Variants in HGF observed in about 807,000 individuals in gnomAD.
HGF encodes hepatocyte growth factor.
A neutral mutation model predicts 111.6 loss-of-function variants in HGF; 39 were observed. The observed-to-expected ratio is 0.35, with a 90% CI of 0.27 to 0.46. The LOEUF (loss-of-function observed/expected upper bound fraction) is 0.46. HGF is among the 20% of genes least tolerant of loss of function. HGF has a pLI of 1.00. For missense variants in HGF, 735 were observed against 910.5 expected, an observed-to-expected ratio of 0.81 and a Z score of 2.48; for synonymous variants, 285 against 294.8, an observed-to-expected ratio of 0.97 and a Z score of 0.34.
intron 13 of HGF, 45 bp downstream of exon 13, chr7:81,710,102 T>C (rs767449952): frequency 4.7e-6 from 6 of 1,281,608 alleles, no homozygotes; most frequent in African/African-American, 2.9e-5. Context: ...AGGACTCTCT[T>C]GTACATATTC....
rs576748422 is a variant in HGF, at chr7:81,763,105, T to C, written c.89-233A>G. 2,707 of 489,722 alleles carry C rather than the reference T, an allele frequency of 5.5e-3. 18 individuals carry two copies. Among genetic ancestry groups the C allele is most frequent in the South Asian group, 0.013 (517 of 38,530 alleles). 30.3% of individuals were successfully genotyped at this position (489,722 alleles called of 1,614,324 possible). On this transcript the variant is annotated intron_variant, in intron 1 of 17. Transcript: ENST00000222390. ...ATGTAGAGTCACTCATTTACATTCT[T>C]TCAAATTAAGGAGCTTTTAAAAATC... is the stretch of plus-strand genomic sequence containing the variant.
At position 81,717,290 on chromosome 7, in the gene HGF, T is replaced by G; in HGVS notation, c.1347A>C (p.Gly449=). ...GTGGATTTCCCGTGTAGCACCAGGG[T>G]CCATGAGCATCATCATCTGGATTTC... The part of the protein sequence containing the change: ...YCRNPDDDAH[G]PWCYTGNPLI... The change falls in exon 11 of 18, where the codon GGA becomes GGC. Residue 449 remains glycine, a synonymous_variant. Transcript: ENST00000222390. The G allele has an allele frequency of 6.2e-7, 1 of 1,613,282 alleles. No homozygotes were observed. Among genetic ancestry groups the G allele is most frequent in the Non-Finnish European group, 8.5e-7 (1 of 1,179,224 alleles).
intron 4 of HGF, 89 bp downstream of exon 4, chr7:81,757,100 A>G: frequency 2.6e-6 from 2 of 772,648 alleles, no homozygotes; most frequent in Non-Finnish European, 4.7e-6. Context: ...TTATTTTAGG[A>G]TTGTAGAATT....
intron 1 of HGF, among the ~76,000 whole-genome samples, chr7:81,766,542 TAAAG>T (rs1789365269): frequency 6.6e-6 from 1 of 152,124 alleles, no homozygotes; most frequent in Non-Finnish European, 1.5e-5. Flanking sequence ...ATATCACAAA[TAAAG>T]ATACCAAGAA....
intron 9 of HGF, among the ~76,000 whole-genome samples, chr7:81,721,421 G>A (rs1047091052): frequency 6.6e-6 from 1 of 152,070 alleles, no homozygotes; most frequent in Non-Finnish European, 1.5e-5. Context: ...TTAAATGAGT[G>A]GCCCTTTGGA....
intron 1 of HGF, among the ~76,000 whole-genome samples, chr7:81,763,668 TG>T (rs1319993296): frequency 6.6e-6 from 1 of 152,194 alleles, no homozygotes; most frequent in African/African-American, 2.4e-5. Context: ...ACTTGTTCTC[TG>T]TATTCTCAAT....
At chr7:81,744,675 G>A (rs1360686563) in intron 6 of HGF, among the ~76,000 whole-genome samples, 1 of 152,168 alleles carries the variant, frequency 6.6e-6, no homozygotes, top group African/African-American at 2.4e-5. Flanking sequence ...AGAGAAAGAA[G>A]CTTCTTTTTG....
chr7:81,708,331 T>C (rs958343222), intron 13 of HGF, among the ~76,000 whole-genome samples: 9 of 152,104 alleles, frequency 5.9e-5, no homozygotes, highest in African/African-American at 1.7e-4. Context: ...TCTAATCTGA[T>C]GGAAAAATAG....
At chr7:81,751,275 T>C (rs1482554677) in intron 5 of HGF, 2 of 984,750 alleles carry the variant, frequency 2.0e-6, no homozygotes, top group Non-Finnish European at 2.4e-6. Context: ...CTAACAGAGT[T>C]TCATCCATGT....
chr7:81,748,997 A>G (rs967460804), intron 5 of HGF, among the ~76,000 whole-genome samples: 1 of 152,172 alleles, frequency 6.6e-6, no homozygotes, highest in Non-Finnish European at 1.5e-5. Context: ...GTTTTATTCC[A>G]TTAAAGACAG....
chr7:81,708,395 C>A lies in HGF; in HGVS notation c.1542-1031G>T, dbSNP rs945446540. Among the ~76,000 whole-genome samples the A allele has an allele frequency of 5.3e-5, 8 of 152,006 alleles. No individual in the cohort carries two copies. In the East Asian group the frequency reaches 1.4e-3, roughly 26 times the overall value. On this transcript the variant is annotated intron_variant, in intron 13 of 17. Transcript: ENST00000222390. The stretch of plus-strand genomic sequence containing the variant: ...GACCAAAGCAGTATCCTTGTGAATT[C>A]TCTTACTGGAAAAAATAACTTAGAA...
intron 7 of HGF, chr7:81,743,051 G>T (rs1246639298): frequency 2.0e-6 from 2 of 1,010,782 alleles, no homozygotes; most frequent in Non-Finnish European, 3.1e-6. Context: ...ACACATTTCC[G>T]ATCTTTTTCT....
At chr7:81,769,814 A>G (rs1562918558) in intron 1 of HGF, 70 bp downstream of exon 1, 3 of 1,165,246 alleles carry the variant, frequency 2.6e-6, no homozygotes, top group Non-Finnish European at 3.8e-6. Flanking sequence ...AGGGTGTTAA[A>G]AGGAATAGGG....
chr7:81,745,311 C>T (rs1788193161), intron 5 of HGF, among the ~76,000 whole-genome samples, 191 bp from the exon 6 acceptor site: 1 of 152,116 alleles, frequency 6.6e-6, no homozygotes, highest in Admixed American at 6.6e-5. Flanking sequence ...ACACATCATA[C>T]AGTTTAAGTG....
intron 1 of HGF, among the ~76,000 whole-genome samples, chr7:81,766,955 C>G (rs999201079): frequency 2.0e-5 from 3 of 152,158 alleles, no homozygotes; most frequent in Admixed American, 6.5e-5. Flanking sequence ...GACAATATTC[C>G]CCATCACATG....
At position 81,711,481 on chromosome 7, in the gene HGF, G is replaced by T; in HGVS notation, c.1444C>A (p.His482Asn). ...DTTPTIVNLD[H>N]PVISCAKTKQ... ...CTTTATATTGTGAAATATTACTTACGGTCTAAATTGACTATTGTAGGTGTG... is the reference window on the plus strand; with the variant it reads ...CTTTATATTGTGAAATATTACTTACTGTCTAAATTGACTATTGTAGGTGTG... The change falls in exon 12 of 18, where the codon CAT becomes AAT. Residue 482 changes from histidine to asparagine, a missense_variant and splice_region_variant. Around this residue, in one of 3 missense-constraint regions of HGF, gnomAD observed 553 missense variants for 685.6 expected, o/e 0.81. Coordinates refer to ENST00000222390, the MANE Select transcript of HGF (RefSeq NM_000601.6). 1.4e-6 allele frequency: 2 copies of T among 1,449,750 alleles called. No homozygotes were observed. The highest frequency in any genetic ancestry group is 1.4e-5 in the African/African-American group (1 of 71,370). The allele number at this position is 1,449,750 out of a possible 1,614,324, so 89.8% of individuals were successfully genotyped here.
At chr7:81,759,527 CAG>C (rs1788954213) in intron 2 of HGF, among the ~76,000 whole-genome samples, 1 of 152,058 alleles carries the variant, frequency 6.6e-6, no homozygotes. Flanking sequence ...GTTTTTGAGA[CAG>C]AGTCTCACAC....
intron 14 of HGF, among the ~76,000 whole-genome samples, chr7:81,706,725 A>AT (rs1226765812): frequency 1.3e-5 from 2 of 151,828 alleles, no homozygotes; most frequent in Non-Finnish European, 2.9e-5. Context: ...ATGAATTATA[A>AT]TTTTTTCTGC....
intron 10 of HGF, among the ~76,000 whole-genome samples, chr7:81,719,150 C>A (rs1419942521): frequency 6.6e-6 from 1 of 152,140 alleles, no homozygotes; most frequent in Admixed American, 6.5e-5. Flanking sequence ...GGCCTTTGCA[C>A]ATGCAATTTC....
Sources: allele counts gnomAD v4.1 joint callset (sites outside exome capture counted in the v4.1 genomes callset), GRCh38; gene constraint gnomAD v4.1.1; regional missense constraint gnomAD v4.1.1; transcripts MANE v1.5; gene names NCBI Gene and HGNC (gene_info 2026-07-23, HGNC 2026-07-21).